GRM5: variants seen among roughly 807,000 people sequenced by gnomAD.
The protein encoded by GRM5 is metabotropic glutamate receptor 5.
GRM5 carries 19 observed loss-of-function variants against 83.1 expected under a neutral mutation model. That is an observed-to-expected ratio of 0.23 (90% CI 0.16 to 0.34). GRM5 has a LOEUF of 0.34. Among genes scored for constraint, GRM5 ranks in the 10% least tolerant of loss-of-function variants. The probability of loss-of-function intolerance (pLI) is 1.00; values close to 1 mark genes in which losing one functional copy is unlikely to be tolerated. For missense variants in GRM5, 1,160 were observed against 1,588.3 expected, an observed-to-expected ratio of 0.73 and a Z score of 4.58; for synonymous variants, 675 against 633.6, an observed-to-expected ratio of 1.07 and a Z score of -0.98.
chr11:88,672,096 T>C (rs76491132), intron 3 of GRM5, among the ~76,000 whole-genome samples: 1,883 of 152,158 alleles, frequency 0.012, 42 homozygotes, highest in African/African-American at 0.042. Context: ...TGCTCAGGCA[T>C]CTTTAAGACT....
At chr11:88,926,597 A>G (rs567366806) in intron 2 of GRM5, among the ~76,000 whole-genome samples, 7 of 152,268 alleles carry the variant, frequency 4.6e-5, no homozygotes, top group African/African-American at 1.7e-4. Context: ...CTTTTGGTTC[A>G]TTGGAGCTAG....
chr11:89,051,051 A>G (rs1941748205), intron 1 of GRM5, among the ~76,000 whole-genome samples: 1 of 152,100 alleles, frequency 6.6e-6, no homozygotes, highest in African/African-American at 2.4e-5. Context: ...TCCCCATGAC[A>G]CCAGTTTATG....
At chr11:89,017,124 T>A (rs1183032935) in intron 2 of GRM5, among the ~76,000 whole-genome samples, 1 of 152,092 alleles carries the variant, frequency 6.6e-6, no homozygotes, top group Non-Finnish European at 1.5e-5. Context: ...TAGAATAAAC[T>A]ATATATAAAC....
chr11:88,844,665 T>C (rs1944267312), intron 3 of GRM5, among the ~76,000 whole-genome samples: 1 of 152,188 alleles, frequency 6.6e-6, no homozygotes, highest in Non-Finnish European at 1.5e-5. Flanking sequence ...CTGGAAAGGA[T>C]TCACCATTCT....
At chr11:88,582,315 G>A (rs1300702397) in intron 7 of GRM5, among the ~76,000 whole-genome samples, 2 of 152,124 alleles carry the variant, frequency 1.3e-5, no homozygotes, top group Non-Finnish European at 2.9e-5. Context: ...ACTGCATTTG[G>A]TGTGTGGTTT....
intron 3 of GRM5, 86 bp downstream of exon 3, chr11:88,849,820 A>C: frequency 1.5e-6 from 2 of 1,295,048 alleles, no homozygotes; most frequent in Non-Finnish European, 2.2e-6. Context: ...CTTTGAAAGA[A>C]TTTTTTATCA....
chr11:89,039,810 T>C (rs953065427), intron 2 of GRM5, among the ~76,000 whole-genome samples: 36 of 152,168 alleles, frequency 2.4e-4, no homozygotes, highest in African/African-American at 8.4e-4. Flanking sequence ...AGGCCCTGCT[T>C]GGTTGCATTT....
At chr11:88,935,482 T>A (rs1290146418) in intron 2 of GRM5, among the ~76,000 whole-genome samples, 2 of 151,900 alleles carry the variant, frequency 1.3e-5, no homozygotes, top group African/African-American at 4.8e-5. Context: ...GAATGATCAA[T>A]CTTGCTTGCT....
chr11:88,727,517 C>T (rs916671196), intron 3 of GRM5, among the ~76,000 whole-genome samples: 1 of 152,194 alleles, frequency 6.6e-6, no homozygotes, highest in Non-Finnish European at 1.5e-5. Context: ...GATTTGAACT[C>T]AGCTCTGGAC....
chr11:88,745,197 T>TA (rs1565211245), intron 3 of GRM5, among the ~76,000 whole-genome samples: 12 of 3,512 alleles, frequency 3.4e-3, no homozygotes, highest in African/African-American at 0.011. Context: ...TTTTTATTTT[T>TA]CTTTTTTTTT....
intron 3 of GRM5, among the ~76,000 whole-genome samples, chr11:88,684,379 A>G (rs1359050723): frequency 6.6e-6 from 1 of 152,248 alleles, no homozygotes; most frequent in African/African-American, 2.4e-5. Flanking sequence ...TTAGAGGATC[A>G]ATTAGGAATC....
chr11:88,610,625 C>G (rs1158099994), intron 4 of GRM5, among the ~76,000 whole-genome samples: 2 of 152,140 alleles, frequency 1.3e-5, no homozygotes, highest in East Asian at 3.9e-4. Context: ...CTGGTGCAAT[C>G]TATGGGGTTT....
intron 2 of GRM5, among the ~76,000 whole-genome samples, chr11:89,046,904 C>G (rs954253292): frequency 2.6e-5 from 4 of 152,082 alleles, no homozygotes; most frequent in Non-Finnish European, 5.9e-5. Context: ...TTGAAAACCT[C>G]TAGTAATGAA....
chr11:88,987,217 T>G (rs1417932453), intron 2 of GRM5, among the ~76,000 whole-genome samples: 4 of 151,924 alleles, frequency 2.6e-5, no homozygotes, highest in South Asian at 4.1e-4. Context: ...GGGTCAGGGA[T>G]TTCCCTTTCC....
At chr11:88,653,923 C>T (rs901961868) in intron 3 of GRM5, among the ~76,000 whole-genome samples, 66 of 151,922 alleles carry the variant, frequency 4.3e-4, no homozygotes, top group African/African-American at 1.5e-3. Flanking sequence ...TTTAAAAAAC[C>T]GTTTGCCGAT....
intron 2 of GRM5, among the ~76,000 whole-genome samples, chr11:88,956,511 T>A (rs1565308844): frequency 6.6e-6 from 1 of 152,112 alleles, no homozygotes; most frequent in Non-Finnish European, 1.5e-5. Flanking sequence ...TGTAGTATAT[T>A]AAAAAGAAAA....
intron 2 of GRM5, among the ~76,000 whole-genome samples, chr11:88,985,486 T>C (rs1343868774): frequency 6.6e-6 from 1 of 152,120 alleles, no homozygotes; most frequent in Non-Finnish European, 1.5e-5. Context: ...AGTCCTCGTA[T>C]ACTGATCTCA....
intron 2 of GRM5, among the ~76,000 whole-genome samples, chr11:88,940,557 A>T (rs1481233641): frequency 6.6e-6 from 1 of 151,548 alleles, no homozygotes; most frequent in African/African-American, 2.4e-5. Context: ...AATACAGATA[A>T]TCCTAATATG....
At chr11:88,556,869 G>T (rs1193860061) in intron 8 of GRM5, among the ~76,000 whole-genome samples, 3 of 151,916 alleles carry the variant, frequency 2.0e-5, no homozygotes, top group Non-Finnish European at 4.4e-5. Flanking sequence ...TTCCATCAGG[G>T]TCACTTGGAC....
Sources: allele counts gnomAD v4.1 joint callset (sites outside exome capture counted in the v4.1 genomes callset), GRCh38; gene constraint gnomAD v4.1.1; transcripts MANE v1.5; gene names NCBI Gene and HGNC (gene_info 2026-07-23, HGNC 2026-07-21).